SLC23A2: variants seen among roughly 807,000 people sequenced by gnomAD.
The protein encoded by SLC23A2 is Na(+)/L-ascorbic acid transporter 2.
Under a neutral mutation model 73.3 loss-of-function variants are expected in SLC23A2, and 36 were observed. The observed-to-expected ratio is 0.49, with a 90% confidence interval of 0.38 to 0.65. The LOEUF (loss-of-function observed/expected upper bound fraction) is 0.65, where lower values mean the gene tolerates loss of function less well. Ranked by LOEUF, SLC23A2 falls within the 30% of genes least tolerant of loss-of-function variation. The pLI, the probability that SLC23A2 is intolerant of heterozygous loss-of-function variation, is 0.00. For synonymous variants in SLC23A2, 343 were observed against 327.3 expected (o/e 1.05, Z -0.52); for missense variants, 507 against 841.6 (o/e 0.60, Z 4.92).
At chr20:4,898,466 C>T (rs932451893) in intron 6 of SLC23A2, among the ~76,000 whole-genome samples, 1 of 152,308 alleles carries the variant, frequency 6.6e-6, no homozygotes, top group East Asian at 1.9e-4. Flanking sequence ...CTTCAGCTCA[C>T]ACCCACCTCC....
intron 9 of SLC23A2, among the ~76,000 whole-genome samples, chr20:4,881,125 C>A (rs972199779): frequency 6.6e-6 from 1 of 152,138 alleles, no homozygotes; most frequent in East Asian, 1.9e-4. Context: ...ACTAGGGGCA[C>A]GGTTGTGCCA....
At chr20:5,008,807 C>A (rs2088218036) in intron 1 of SLC23A2, among the ~76,000 whole-genome samples, 1 of 151,786 alleles carries the variant, frequency 6.6e-6, no homozygotes, top group African/African-American at 2.4e-5. Flanking sequence ...GCTCAAGTGA[C>A]CCTCCCGCCT....
chr20:4,897,239 T>C (rs774341841), intron 6 of SLC23A2, among the ~76,000 whole-genome samples: 3 of 152,022 alleles, frequency 2.0e-5, no homozygotes, highest in Non-Finnish European at 4.4e-5. Flanking sequence ...AGAAAACCCC[T>C]ATCACAAGCC....
Position 4,883,590 on chromosome 20 carries a change from T to A in SLC23A2, c.824+52A>T. Reference sequence around the variant, plus strand: ...TTATCTCCTGAAGTCTGTGTGAATGTTCCTAAAGGCTGCCCCGCAGTGGTG... The same window carrying A: ...TTATCTCCTGAAGTCTGTGTGAATGATCCTAAAGGCTGCCCCGCAGTGGTG... On this transcript the variant is annotated intron_variant, in intron 9 of 16. Coordinates refer to ENST00000338244, the MANE Select transcript of SLC23A2 (RefSeq NM_005116.6). This position sits in a 1 kb window ranked among gnomAD's most constrained non-coding sequence, Gnocchi z 4.5. 4.6e-6 allele frequency: 6 copies of A among 1,294,346 alleles called. No individual in the cohort carries two copies. Among genetic ancestry groups the A allele is most frequent in the Non-Finnish European group, 6.5e-6 (6 of 927,924 alleles). 80.2% of individuals were successfully genotyped at this position (1,294,346 alleles called of 1,614,324 possible).
At chr20:4,877,670 A>G (rs182257224) in intron 9 of SLC23A2, among the ~76,000 whole-genome samples, 1 of 152,322 alleles carries the variant, frequency 6.6e-6, no homozygotes, top group African/African-American at 2.4e-5. Flanking sequence ...ATTTAACTGA[A>G]TTGGAGGGAG....
intron 3 of SLC23A2, among the ~76,000 whole-genome samples, chr20:4,926,248 AC>A (rs1932665407): frequency 6.6e-6 from 1 of 152,206 alleles, no homozygotes; most frequent in Non-Finnish European, 1.5e-5. Context: ...AAATATTCTC[AC>A]AAAGGCTGTT....
At chr20:4,877,752 T>G (rs1930715500) in intron 9 of SLC23A2, among the ~76,000 whole-genome samples, 1 of 152,356 alleles carries the variant, frequency 6.6e-6, no homozygotes, top group African/African-American at 2.4e-5. Flanking sequence ...GGGGGTTCAT[T>G]AAACTATTCT....
intron 1 of SLC23A2, among the ~76,000 whole-genome samples, chr20:4,983,608 T>C (rs1329928784): frequency 1.5e-4 from 21 of 139,354 alleles, no homozygotes; most frequent in African/African-American, 5.4e-4. Context: ...ACCGCGCCAC[T>C]GCACTCCAGC....
At chr20:5,003,345 C>T (rs958070453), upstream of SLC23A2, among the ~76,000 whole-genome samples, 1 of 152,108 alleles carries the variant, frequency 6.6e-6, no homozygotes, top group Admixed American at 6.5e-5. Flanking sequence ...GATCGCGCCA[C>T]CGCACTCCAG....
chr20:4,877,772 T>C (rs1487974633), intron 9 of SLC23A2, among the ~76,000 whole-genome samples: 1 of 152,188 alleles, frequency 6.6e-6, no homozygotes, highest in Non-Finnish European at 1.5e-5. Flanking sequence ...TCTTCACTTC[T>C]GAATAGGTTT....
intron 3 of SLC23A2, among the ~76,000 whole-genome samples, chr20:4,928,366 T>A (rs1306090374): frequency 6.6e-6 from 1 of 152,162 alleles, no homozygotes; most frequent in Non-Finnish European, 1.5e-5. Flanking sequence ...AACAAAACTA[T>A]CCACAACCCA....
Position 4,856,642 on chromosome 20 carries a change from C to A in SLC23A2, c.*330G>T. On this transcript the variant is annotated 3_prime_UTR_variant, in exon 17 of 17. Coordinates refer to ENST00000338244, the MANE Select transcript of SLC23A2 (RefSeq NM_005116.6). The surrounding 1 kb of genome is among the most constrained non-coding windows in gnomAD (Gnocchi z 4.6). ...GGAGGTGGCTTATAGGAAAGCCAGC[C>A]CTGGGTGGTGGAAGGGAACTGAAGC... 1 of 238,098 alleles carries A rather than the reference C, an allele frequency of 4.2e-6. No individual in the cohort carries two copies. The highest frequency in any genetic ancestry group is 8.2e-6 in the Non-Finnish European group (1 of 122,414). 14.7% of individuals were successfully genotyped at this position (238,098 alleles called of 1,614,324 possible). A position where few individuals can be genotyped will look rare whatever the true frequency, so the allele number is the denominator to read the frequency against.
chr20:4,933,929 A>G (rs549538505), intron 2 of SLC23A2, among the ~76,000 whole-genome samples: 2 of 152,320 alleles, frequency 1.3e-5, no homozygotes, highest in East Asian at 3.9e-4. Context: ...GGAACTCTTC[A>G]TGGGACACTT....
chr20:4,878,533 AATCT>A (rs1222763372), intron 9 of SLC23A2, among the ~76,000 whole-genome samples: 3 of 152,130 alleles, frequency 2.0e-5, no homozygotes, highest in Non-Finnish European at 1.5e-5. Context: ...TCAATAGTAA[AATCT>A]ATCTTTCTCT....
intron 3 of SLC23A2, 48 bp downstream of exon 3, chr20:4,932,407 A>G (rs1221518127): frequency 1.9e-6 from 2 of 1,074,018 alleles, no homozygotes; most frequent in Non-Finnish European, 2.9e-6. Context: ...TTCCATACGG[A>G]AACTACTTTC....
rs1929609979 is a variant in SLC23A2 at position 4,853,725 on chromosome 20, A to C, written c.*3247T>G. Reference sequence around the variant, plus strand: ...AAAACCTCTGTGCGAATTTGTTACCATGAAAACGGGAAACCATCAGGACCC... The same window carrying C: ...AAAACCTCTGTGCGAATTTGTTACCCTGAAAACGGGAAACCATCAGGACCC... On this transcript the variant is annotated 3_prime_UTR_variant, in exon 17 of 17. Transcript: ENST00000338244. 6.6e-6 allele frequency: 1 copy of C among 152,604 alleles called. No homozygotes were observed. Among genetic ancestry groups the C allele is most frequent in the Non-Finnish European group, 1.5e-5 (1 of 68,046 alleles). The allele number at this position is 152,604 out of a possible 1,614,324, so 9.5% of individuals were successfully genotyped here.
intron 1 of SLC23A2, among the ~76,000 whole-genome samples, chr20:4,982,650 T>C (rs952573232): frequency 2.6e-5 from 4 of 152,132 alleles, no homozygotes; most frequent in South Asian, 2.1e-4. Context: ...GTGGTATAAG[T>C]ACATACAAAG....
intron 16 of SLC23A2, among the ~76,000 whole-genome samples, chr20:4,858,156 G>A (rs891147900): frequency 6.6e-6 from 1 of 152,050 alleles, no homozygotes; most frequent in Non-Finnish European, 1.5e-5. Flanking sequence ...CCATTTTAGC[G>A]TGTCTGGTGC....
At position 4,883,062 on chromosome 20, in the gene SLC23A2, AG is replaced by A. The variant is rs11357881; in HGVS notation, c.824+579del. Among the ~76,000 whole-genome samples, 9,684 of 152,206 alleles carry A rather than the reference AG, an allele frequency of 0.064. 681 individuals are homozygous for A. Among genetic ancestry groups the A allele is most frequent in the African/African-American group, 0.17 (7,235 of 41,460 alleles). ...AACACAAAATGTTAACTTTACTTAA[AG>A]GGCAAGGGACATCTTTAATGGATGT... On this transcript the variant is annotated intron_variant, in intron 9 of 16. Coordinates refer to ENST00000338244, the MANE Select transcript of SLC23A2 (RefSeq NM_005116.6). The surrounding 1 kb of genome is among the most constrained non-coding windows in gnomAD (Gnocchi z 4.5).
Sources: allele counts gnomAD v4.1 joint callset (sites outside exome capture counted in the v4.1 genomes callset), GRCh38; gene constraint gnomAD v4.1.1; non-coding constraint Gnocchi (gnomAD v3.1); transcripts MANE v1.5; gene names NCBI Gene and HGNC (gene_info 2026-07-23, HGNC 2026-07-21).